The following SPEF2 variants were observed in gnomAD, a reference collection of about 807,000 sequenced individuals.
SPEF2 encodes the protein sperm flagella and cilia-associated protein 2.
Under a neutral mutation model 224.6 loss-of-function variants are expected in SPEF2, and 187 were observed. The ratio of observed to expected loss-of-function variants is 0.83; its 90% CI spans 0.74 to 0.94. The LOEUF (loss-of-function observed/expected upper bound fraction) is 0.94. Ranked by LOEUF, SPEF2 falls within the 40% of genes least tolerant of loss-of-function variation. SPEF2 has a pLI of 0.00. For missense variants in SPEF2, 2,170 were observed against 2,135.6 expected (o/e 1.02, Z -0.32); for synonymous variants, 715 against 707.3 (o/e 1.01, Z -0.17).
At chr5:35,673,919 C>T (rs1040809933) in intron 10 of SPEF2, among the ~76,000 whole-genome samples, 10 of 152,100 alleles carry the variant, frequency 6.6e-5, no homozygotes, top group African/African-American at 2.4e-4. Context: ...TTTATTACCA[C>T]CAGGTCTTTT....
intron 10 of SPEF2, among the ~76,000 whole-genome samples, chr5:35,684,964 C>T (rs1169352474): frequency 6.6e-6 from 1 of 152,074 alleles, no homozygotes; most frequent in Non-Finnish European, 1.5e-5. Context: ...AAAATAATCA[C>T]CATTTGTCTA....
chr5:35,638,008 A>C (rs1746080604), intron 2 of SPEF2, among the ~76,000 whole-genome samples: 1 of 152,172 alleles, frequency 6.6e-6, no homozygotes, highest in Non-Finnish European at 1.5e-5. Context: ...TGAGAAACTC[A>C]GCCTACACAT....
chr5:35,708,143 C>T (rs1010369457), intron 18 of SPEF2, among the ~76,000 whole-genome samples: 1 of 151,990 alleles, frequency 6.6e-6, no homozygotes, highest in Non-Finnish European at 1.5e-5. Context: ...TTACTTTATT[C>T]TTGTCATCCT....
chr5:35,787,885 T>A, intron 30 of SPEF2: 1 of 598,006 alleles, frequency 1.7e-6, no homozygotes, highest in South Asian at 2.1e-5. Flanking sequence ...CTTCGGATGG[T>A]GTGAATAGAG....
intron 8 of SPEF2, among the ~76,000 whole-genome samples, chr5:35,666,126 T>C (rs1226603371): frequency 2.0e-5 from 3 of 152,134 alleles, no homozygotes; most frequent in Non-Finnish European, 4.4e-5. Flanking sequence ...AGAAATTGAA[T>C]TCTATATAAA....
intron 34 of SPEF2, among the ~76,000 whole-genome samples, chr5:35,805,335 A>G (rs999562134): frequency 1.2e-4 from 18 of 152,130 alleles, no homozygotes; most frequent in African/African-American, 4.1e-4. Context: ...GTCCCTCCAA[A>G]TTCCTTATAG....
rs1248950585 is a variant in SPEF2 at position 35,753,658 on chromosome 5, C to T, written c.3365C>T (p.Ala1122Val). The T allele has an allele frequency of 6.2e-7, 1 of 1,614,096 alleles. No individual in the cohort carries two copies. Among genetic ancestry groups the T allele is most frequent in the African/African-American group, 1.3e-5 (1 of 75,026 alleles). The stretch of plus-strand genomic sequence containing the variant: ...GACCGCCTGTGGGACATTTGTGATG[C>T]CCGGAAGGAAGAGGCGGAGCAGGAG... Reference protein sequence around the residue: ...LRDRLWDICDARKEEAEQERL... With the variant: ...LRDRLWDICDVRKEEAEQERL... The change falls in exon 24 of 37, where the codon GCC (alanine) becomes GTC (valine). Residue 1122 changes from alanine to valine, a missense_variant. Physicochemically the swap from Ala to Val is moderately conservative, Grantham distance 64. Transcript: ENST00000356031.
At chr5:35,657,730 T>A (rs1749149461) in intron 7 of SPEF2, among the ~76,000 whole-genome samples, 1 of 152,140 alleles carries the variant, frequency 6.6e-6, no homozygotes, top group Non-Finnish European at 1.5e-5. Context: ...TTAAGTGTAT[T>A]CAAACTGGGA....
At chr5:35,698,036 C>G (rs1337374408) in intron 15 of SPEF2, 1 of 283,476 alleles carries the variant, frequency 3.5e-6, no homozygotes, top group Non-Finnish European at 6.6e-6. Flanking sequence ...GTTCTATTAC[C>G]TGTGGGGAAT....
intron 26 of SPEF2, chr5:35,764,641 T>C (rs1050749226): frequency 6.6e-6 from 3 of 456,082 alleles, no homozygotes; most frequent in Non-Finnish European, 1.3e-5. Context: ...GCATCAACTT[T>C]CCAAAAGATT....
intron 6 of SPEF2, among the ~76,000 whole-genome samples, chr5:35,650,323 T>TA (rs146565828): frequency 0.015 from 2,266 of 152,222 alleles, 30 homozygotes; most frequent in South Asian, 0.053. Flanking sequence ...CCTGATGCCC[T>TA]ATTCTGATTC....
chr5:35,777,902 T>C (rs1365077975), intron 29 of SPEF2, among the ~76,000 whole-genome samples: 3 of 152,062 alleles, frequency 2.0e-5, no homozygotes, highest in African/African-American at 7.2e-5. Context: ...TATGGTTGGG[T>C]CTCAATCCAC....
At chr5:35,753,869 T>G in intron 24 of SPEF2, 108 bp downstream of exon 24, 1 of 1,379,366 alleles carries the variant, frequency 7.2e-7, no homozygotes, top group Non-Finnish European at 1.0e-6. Context: ...TCAGGGCTCA[T>G]TTTGGTATAG....
At chr5:35,794,235 G>A (rs1756357917) in intron 32 of SPEF2, among the ~76,000 whole-genome samples, 1 of 152,160 alleles carries the variant, frequency 6.6e-6, no homozygotes, top group African/African-American at 2.4e-5. Flanking sequence ...TCATTATATT[G>A]CTCACACCAT....
intron 25 of SPEF2, among the ~76,000 whole-genome samples, chr5:35,761,802 A>C (rs1432506861): frequency 6.6e-6 from 1 of 152,224 alleles, no homozygotes; most frequent in African/African-American, 2.4e-5. Flanking sequence ...AGTTAGGCAT[A>C]ATGGGTAAGC....
At chr5:35,692,082 G>A (rs554468197) in intron 11 of SPEF2, among the ~76,000 whole-genome samples, 1 of 152,046 alleles carries the variant, frequency 6.6e-6, no homozygotes, top group East Asian at 2.0e-4. Context: ...ACAAGCATGA[G>A]CCACCGTGCC....
intron 20 of SPEF2, among the ~76,000 whole-genome samples, chr5:35,713,090 G>A (rs1221953105): frequency 6.6e-6 from 1 of 152,116 alleles, no homozygotes; most frequent in African/African-American, 2.4e-5. Context: ...AGTGATGCTT[G>A]CAGGGATAAT....
At chr5:35,703,840 C>G (rs538422581) in intron 16 of SPEF2, among the ~76,000 whole-genome samples, 1 of 152,304 alleles carries the variant, frequency 6.6e-6, no homozygotes, top group African/African-American at 2.4e-5. Context: ...CAACTGATTA[C>G]TATATCCTGT....
intron 21 of SPEF2, among the ~76,000 whole-genome samples, chr5:35,739,151 A>G (rs1185968902): frequency 1.3e-5 from 2 of 152,174 alleles, no homozygotes; most frequent in Non-Finnish European, 2.9e-5. Context: ...TAGTTTTTTC[A>G]TAATATGTAT....
Sources: gnomAD v4.1 joint callset for allele counts (sites outside exome capture counted in the v4.1 genomes callset) on GRCh38, gnomAD v4.1.1 for gene constraint, MANE v1.5 for transcripts, NCBI Gene and HGNC (gene_info 2026-07-23, HGNC 2026-07-21) for gene names.